The following PPHLN1 variants were observed in gnomAD, a reference collection of about 807,000 sequenced individuals.
PPHLN1 encodes periphilin 1, also known as periphilin-1.
A neutral mutation model predicts 51.3 loss-of-function variants in PPHLN1; 29 were observed. The observed-to-expected ratio is 0.57, with a 90% confidence interval of 0.42 to 0.77. The LOEUF (loss-of-function observed/expected upper bound fraction) is 0.77. Among genes scored for constraint, PPHLN1 ranks in the 30% least tolerant of loss-of-function variants. The probability of loss-of-function intolerance (pLI) is 0.00; values close to 1 mark genes in which losing one functional copy is unlikely to be tolerated. For missense variants in PPHLN1, 436 were observed against 438.4 expected (o/e 0.99, Z 0.05); for synonymous variants, 147 against 147.8 (o/e 0.99, Z 0.04).
At chr12:42,342,971 A>G (rs1049369061) in intron 2 of PPHLN1, among the ~76,000 whole-genome samples, 1 of 152,228 alleles carries the variant, frequency 6.6e-6, no homozygotes, top group African/African-American at 2.4e-5. Context: ...AATCAAAAAT[A>G]AATCCTTTAG....
intron 5 of PPHLN1, among the ~76,000 whole-genome samples, chr12:42,382,064 TAGG>T (rs1203567201): frequency 6.6e-6 from 1 of 152,162 alleles, no homozygotes; most frequent in Non-Finnish European, 1.5e-5. Flanking sequence ...GCACTTGATG[TAGG>T]AGGATTGGAT....
At chr12:42,432,165 A>C (rs781290942) in intron 9 of PPHLN1, 35 of 889,614 alleles carry the variant, frequency 3.9e-5, no homozygotes, top group Non-Finnish European at 5.2e-5. Flanking sequence ...ATCTTCTTCA[A>C]TGACCAATCA....
intron 7 of PPHLN1, among the ~76,000 whole-genome samples, chr12:42,389,704 C>G (rs2077518220): frequency 6.6e-6 from 1 of 152,156 alleles, no homozygotes; most frequent in South Asian, 2.1e-4. Flanking sequence ...TTGCTGCAAC[C>G]CATATTCTCA....
rs567793160 is a variant in PPHLN1 at position 42,337,751 on chromosome 12, TTTTTA to T, written c.72+1806_72+1810del. 2.0e-3 allele frequency among the ~76,000 whole-genome samples: 281 copies of T among 142,358 alleles called. 4 individuals carry two copies. The highest frequency in any genetic ancestry group is 0.017 in the Admixed American group (235 of 13,914). The allele number at this position is 142,358 out of a possible 152,430, so 93.4% of individuals were successfully genotyped here. A position where few individuals can be genotyped will look rare whatever the true frequency, so the allele number is the denominator to read the frequency against. ...GATTGCATGCCACCATACCTGGCTA[TTTTTA>T]TTTTATTTTATTTTATTTTATTTTA... On this transcript the variant is annotated intron_variant, in intron 2 of 9. Transcript: ENST00000358314.
At chr12:42,419,826 T>C (rs1360691466) in intron 9 of PPHLN1, among the ~76,000 whole-genome samples, 1 of 152,216 alleles carries the variant, frequency 6.6e-6, no homozygotes, top group Non-Finnish European at 1.5e-5. Context: ...GTAGTTGAAT[T>C]TGAAACCTTC....
intron 9 of PPHLN1, among the ~76,000 whole-genome samples, chr12:42,435,322 A>T (rs1221444089): frequency 6.6e-6 from 1 of 151,432 alleles, no homozygotes; most frequent in Non-Finnish European, 1.5e-5. Flanking sequence ...AATTTCACTC[A>T]CATATTGAAT....
chr12:42,375,563 G>T (rs532279123), intron 5 of PPHLN1, among the ~76,000 whole-genome samples: 275 of 152,146 alleles, frequency 1.8e-3, no homozygotes, highest in African/African-American at 6.5e-3. Context: ...GCCCACCTCT[G>T]CCTCCCAAAG....
At chr12:42,395,406 T>G (rs2078110083) in intron 8 of PPHLN1, among the ~76,000 whole-genome samples, 1 of 152,142 alleles carries the variant, frequency 6.6e-6, no homozygotes, top group South Asian at 2.1e-4. Context: ...TCTACTTAGA[T>G]TGATACTTTT....
At chr12:42,375,835 T>A (rs2076221930) in intron 5 of PPHLN1, among the ~76,000 whole-genome samples, 1 of 152,228 alleles carries the variant, frequency 6.6e-6, no homozygotes, top group South Asian at 2.1e-4. Flanking sequence ...CTTATCTTTC[T>A]AGACTCTGCA....
downstream of PPHLN1, chr12:42,443,232 A>C (rs887114745): frequency 6.5e-6 from 1 of 154,480 alleles, no homozygotes. Flanking sequence ...TGGAAAAAAG[A>C]CAACAGATAC....
At chr12:42,327,246 G>T (rs1056556963) in intron 1 of PPHLN1, among the ~76,000 whole-genome samples, 2 of 152,140 alleles carry the variant, frequency 1.3e-5, no homozygotes, top group Non-Finnish European at 2.9e-5. Context: ...CCCCATCTGT[G>T]CTTTCTGAAA....
At chr12:42,428,922 T>A (rs1379606622) in intron 9 of PPHLN1, among the ~76,000 whole-genome samples, 1 of 151,862 alleles carries the variant, frequency 6.6e-6, no homozygotes, top group African/African-American at 2.4e-5. Context: ...TTATGATGGA[T>A]GTTTTGGACA....
chr12:42,396,804 T>C (rs944850261), intron 8 of PPHLN1, among the ~76,000 whole-genome samples: 1 of 123,678 alleles, frequency 8.1e-6, no homozygotes, highest in African/African-American at 3.2e-5. Flanking sequence ...AAAAAAGAAA[T>C]GGGGACAGCG....
At chr12:42,327,487 C>G (rs2068981336) in intron 1 of PPHLN1, among the ~76,000 whole-genome samples, 1 of 152,208 alleles carries the variant, frequency 6.6e-6, no homozygotes, top group Non-Finnish European at 1.5e-5. Flanking sequence ...GCTCTTTTCT[C>G]TCTCTGGGAC....
chr12:42,368,151 G>GTA (rs1168426040), intron 4 of PPHLN1, among the ~76,000 whole-genome samples: 1 of 152,108 alleles, frequency 6.6e-6, no homozygotes, highest in Non-Finnish European at 1.5e-5. Context: ...AGGCCTTTCT[G>GTA]TATATAGTTT....
At chr12:42,330,999 G>A (rs375747732) in intron 1 of PPHLN1, among the ~76,000 whole-genome samples, 4 of 152,296 alleles carry the variant, frequency 2.6e-5, no homozygotes, top group East Asian at 3.9e-4. Context: ...GTGAGCCACC[G>A]TGCCCAGCCA....
chr12:42,385,057 G>A, intron 6 of PPHLN1, 61 bp downstream of exon 6: 1 of 1,490,614 alleles, frequency 6.7e-7, no homozygotes. Flanking sequence ...TGAACTGATA[G>A]CGGTTATGGA....
At chr12:42,354,965 G>C (rs1374878765) in intron 3 of PPHLN1, among the ~76,000 whole-genome samples, 196 bp from the exon 4 acceptor site, 3 of 152,166 alleles carry the variant, frequency 2.0e-5, no homozygotes, top group African/African-American at 7.2e-5. Flanking sequence ...CATTTTAATA[G>C]AGATAAATGG....
Position 42,350,931 on chromosome 12 carries a change from G to C in PPHLN1, c.73-954G>C, listed in dbSNP as rs190090006. Among the ~76,000 whole-genome samples the C allele has an allele frequency of 1.7e-3, 253 of 152,014 alleles. 2 individuals are homozygous for C. The highest frequency in any genetic ancestry group is 5.7e-3 in the African/African-American group (235 of 41,434). On this transcript the variant is annotated intron_variant, in intron 2 of 9. Coordinates refer to ENST00000358314, the MANE Select transcript of PPHLN1 (RefSeq NM_201439.2). ...GATCGCGGCAGTACAGTCCAGCCTCGGCAACAGAGGGAGACCCTGGAAAGC... is the reference window on the plus strand; with the variant it reads ...GATCGCGGCAGTACAGTCCAGCCTCCGCAACAGAGGGAGACCCTGGAAAGC...
Sources: allele counts gnomAD v4.1 joint callset (sites outside exome capture counted in the v4.1 genomes callset), GRCh38; gene constraint gnomAD v4.1.1; transcripts MANE v1.5; gene names NCBI Gene and HGNC (gene_info 2026-07-23, HGNC 2026-07-21).